The following PRIM2 variants were observed in gnomAD, a reference collection of about 807,000 sequenced individuals.
The protein encoded by PRIM2 is DNA primase large subunit.
Under a neutral mutation model 67.3 loss-of-function variants are expected in PRIM2, and 39 were observed. That is an observed-to-expected ratio of 0.58 (90% CI 0.45 to 0.76). The LOEUF (loss-of-function observed/expected upper bound fraction) is 0.76, where lower values mean the gene tolerates loss of function less well. PRIM2 is among the 30% of genes least tolerant of loss of function. The pLI, the probability that PRIM2 is intolerant of heterozygous loss-of-function variation, is 0.00. For synonymous variants in PRIM2, 143 were observed against 198.7 expected, an observed-to-expected ratio of 0.72 and a Z score of 2.36; for missense variants, 398 against 598.7, an observed-to-expected ratio of 0.66 and a Z score of 3.50.
At chr6:57,599,425 C>T (rs1421838282) in intron 10 of PRIM2, among the ~76,000 whole-genome samples, 3 of 151,522 alleles carry the variant, frequency 2.0e-5, no homozygotes, top group Admixed American at 6.6e-5. Context: ...TTTCAGACTC[C>T]GTTTTAAATG....
chr6:57,323,110 G>C (rs758760784), intron 3 of PRIM2, among the ~76,000 whole-genome samples: 1 of 151,584 alleles, frequency 6.6e-6, no homozygotes, highest in African/African-American at 2.4e-5. Context: ...GATTAAATGG[G>C]TTCATGCCTT....
intron 7 of PRIM2, among the ~76,000 whole-genome samples, chr6:57,475,370 C>T: frequency 6.6e-6 from 1 of 152,280 alleles, no homozygotes; most frequent in South Asian, 2.1e-4. Flanking sequence ...CCAATCTACC[C>T]ATCCTCCCAG....
chr6:57,479,258 T>C (rs1431931074), intron 7 of PRIM2, among the ~76,000 whole-genome samples: 31 of 152,262 alleles, frequency 2.0e-4, no homozygotes, highest in Admixed American at 2.0e-3. Context: ...TGTGTGTTGG[T>C]TGATAATTCT....
intron 8 of PRIM2, among the ~76,000 whole-genome samples, chr6:57,519,980 T>C (rs1774577640): frequency 6.6e-6 from 1 of 152,190 alleles, no homozygotes; most frequent in Non-Finnish European, 1.5e-5. Flanking sequence ...CCACTTGTAT[T>C]CAAAAACAAA....
At chr6:57,608,225 C>T (rs1776595949) in intron 12 of PRIM2, among the ~76,000 whole-genome samples, 1 of 151,912 alleles carries the variant, frequency 6.6e-6, no homozygotes, top group South Asian at 2.1e-4. Flanking sequence ...TCACAAAAGT[C>T]AAGGAGAAAA....
At chr6:57,550,391 C>G (rs1335411785) in intron 10 of PRIM2, among the ~76,000 whole-genome samples, 1 of 152,024 alleles carries the variant, frequency 6.6e-6, no homozygotes, top group Non-Finnish European at 1.5e-5. Flanking sequence ...ACAGGTTGGG[C>G]TTGCTTTCAT....
chr6:57,479,860 A>G (rs1773572276), intron 7 of PRIM2, among the ~76,000 whole-genome samples: 1 of 152,240 alleles, frequency 6.6e-6, no homozygotes, highest in South Asian at 2.1e-4. Flanking sequence ...GGTAGGCAAG[A>G]TGAAGTCTGA....
chr6:57,572,322 T>C (rs1775877828), intron 10 of PRIM2, among the ~76,000 whole-genome samples: 1 of 152,196 alleles, frequency 6.6e-6, no homozygotes, highest in Admixed American at 6.5e-5. Context: ...TGAGATTACT[T>C]GTTTCAATAT....
chr6:57,524,698 T>G (rs1774709146), intron 8 of PRIM2, among the ~76,000 whole-genome samples: 1 of 151,544 alleles, frequency 6.6e-6, no homozygotes, highest in African/African-American at 2.4e-5. Context: ...CAAAACTCCG[T>G]CTCAAATTAA....
chr6:57,457,215 A>T (rs1025226490), intron 7 of PRIM2, among the ~76,000 whole-genome samples: 1 of 152,216 alleles, frequency 6.6e-6, no homozygotes, highest in South Asian at 2.1e-4. Flanking sequence ...GGTGCCTCCC[A>T]GTGAGGCTAC....
intron 12 of PRIM2, among the ~76,000 whole-genome samples, chr6:57,621,572 A>G (rs1776855668): frequency 1.3e-5 from 2 of 152,120 alleles, no homozygotes; most frequent in Non-Finnish European, 1.5e-5. Context: ...CATCTATTAT[A>G]TACAAAAACT....
At chr6:57,274,763 C>T in the PRIM2 span, among the ~76,000 whole-genome samples, 26 of 152,084 alleles carry the variant, frequency 1.7e-4, no homozygotes, top group Non-Finnish European at 2.8e-4. Flanking sequence ...CCTATTCAGC[C>T]GTCTTGGCTC....
intron 5 of PRIM2, 181 bp downstream of exon 5, chr6:57,326,226 A>T: frequency 2.2e-6 from 1 of 448,660 alleles, no homozygotes. Flanking sequence ...GAAGAAAAGG[A>T]CTCCTTAATA....
chr6:57,644,516 A>G (rs1219239551), intron 13 of PRIM2, among the ~76,000 whole-genome samples: 2 of 152,194 alleles, frequency 1.3e-5, no homozygotes, highest in Non-Finnish European at 2.9e-5. Flanking sequence ...AGTTAGTCAA[A>G]TGTATTCCTG....
chr6:57,299,372 A>T, the PRIM2 span, among the ~76,000 whole-genome samples: 4 of 152,226 alleles, frequency 2.6e-5, no homozygotes, highest in African/African-American at 9.6e-5. Flanking sequence ...ATTCTCAGAA[A>T]AAAGGTCTTT....
chr6:57,330,367 GTTTTT>G (rs1345737112), intron 5 of PRIM2, among the ~76,000 whole-genome samples: 1 of 78,590 alleles, frequency 1.3e-5, no homozygotes, highest in African/African-American at 4.9e-5. Flanking sequence ...TTTTGTTTTT[GTTTTT>G]TTGTTTTTTT....
intron 5 of PRIM2, among the ~76,000 whole-genome samples, chr6:57,339,236 C>T (rs1221312837): frequency 3.9e-5 from 6 of 152,202 alleles, no homozygotes; most frequent in African/African-American, 9.7e-5. Flanking sequence ...ACATTCCATG[C>T]TCATGGGTAG....
At chr6:57,308,610 T>C in the PRIM2 span, among the ~76,000 whole-genome samples, 2 of 152,204 alleles carry the variant, frequency 1.3e-5, no homozygotes, top group African/African-American at 4.8e-5. Context: ...TGCCACATTT[T>C]TCAAAGTAGT....
At chr6:57,255,360 T>A in the PRIM2 span, among the ~76,000 whole-genome samples, 6 of 152,036 alleles carry the variant, frequency 3.9e-5, no homozygotes, top group Admixed American at 1.3e-4. Flanking sequence ...TAGCCAGGCA[T>A]GGTGGCGGGC....
Sources: gnomAD v4.1 joint callset for allele counts (sites outside exome capture counted in the v4.1 genomes callset) on GRCh38, gnomAD v4.1.1 for gene constraint, MANE v1.5 for transcripts, NCBI Gene and HGNC (gene_info 2026-07-23, HGNC 2026-07-21) for gene names.